ZFYVE28: variants seen among roughly 807,000 people sequenced by gnomAD.
ZFYVE28 encodes zinc finger FYVE-type containing 28.
ZFYVE28 carries 40 observed loss-of-function variants against 82.1 expected under a neutral mutation model. The ratio of observed to expected loss-of-function variants is 0.49; its 90% CI spans 0.38 to 0.63. ZFYVE28 has a LOEUF of 0.63. Ranked by LOEUF, ZFYVE28 falls within the 30% of genes least tolerant of loss-of-function variation. The pLI is 0.00. For missense variants in ZFYVE28, 1,321 were observed against 1,242.1 expected (o/e 1.06, Z -0.96); for synonymous variants, 612 against 546.1 (o/e 1.12, Z -1.68).
chr4:2,374,695 T>C (rs1043526754), intron 1 of ZFYVE28, among the ~76,000 whole-genome samples: 6 of 152,224 alleles, frequency 3.9e-5, no homozygotes, highest in African/African-American at 1.4e-4. Context: ...TGTGTGCTCA[T>C]ATAGAAAAAT....
At chr4:2,356,755 G>A (rs1200591527) in intron 1 of ZFYVE28, among the ~76,000 whole-genome samples, 1 of 152,230 alleles carries the variant, frequency 6.6e-6, no homozygotes, top group Non-Finnish European at 1.5e-5. Context: ...CGGGGAAAGT[G>A]AGGCCCAAAA....
In ZFYVE28 at chr4:2,305,701, G is replaced by A. The variant is rs191294364; in HGVS notation, c.804-165C>T. Among the ~76,000 whole-genome samples, 31 of 152,330 alleles carry A rather than the reference G, an allele frequency of 2.0e-4. No individual in the cohort carries two copies. The East Asian group carries it at 4.1e-3, about 20-fold the overall frequency. On this transcript the variant is annotated intron_variant, in intron 7 of 12. Transcript: ENST00000290974. ...GGCACCAGCACGTCTCCTCCACCAC[G>A]GAACAAGGCTCCGGTCTCGCCGGCC...
At chr4:2,358,552 T>A (rs980218711) in intron 1 of ZFYVE28, among the ~76,000 whole-genome samples, 1 of 152,160 alleles carries the variant, frequency 6.6e-6, no homozygotes, top group Non-Finnish European at 1.5e-5. Flanking sequence ...GCCTCAGGGC[T>A]CCCTGCCTTC....
rs1370244760 is a variant in ZFYVE28, at chr4:2,300,640, G to A, written c.2051+3649C>T. On this transcript the variant is annotated intron_variant, in intron 8 of 12. Coordinates refer to ENST00000290974, the MANE Select transcript of ZFYVE28 (RefSeq NM_020972.3). The surrounding 1 kb of genome is among the most constrained non-coding windows in gnomAD (Gnocchi z 4.6). ...CCCTGGCTGGTGGCTGGGAAGCCCT[G>A]TCCTTCCTCCTGGAGGCTGTCGTCT... Among the ~76,000 whole-genome samples the A allele has an allele frequency of 2.0e-5, 3 of 151,994 alleles. No individual in the cohort carries two copies. The highest frequency in any genetic ancestry group is 7.3e-5 in the African/African-American group (3 of 41,350).
At position 2,409,410 on chromosome 4, in the gene ZFYVE28, C is replaced by T. The variant is rs1043156048; in HGVS notation, c.39+8875G>A. ...AGTGCTGACCCCATCATGCCCCCAC[C>T]TTCCTTGCCTGTGACCCATCCCCAG... On this transcript the variant is annotated intron_variant, in intron 1 of 12. Transcript: ENST00000290974. The surrounding 1 kb of genome is among the most constrained non-coding windows in gnomAD (Gnocchi z 4.4). Among the ~76,000 whole-genome samples, 4 of 152,318 alleles carry T rather than the reference C, an allele frequency of 2.6e-5. No individual in the cohort carries two copies. In the South Asian group the frequency reaches 8.3e-4, roughly 32 times the overall value.
At chr4:2,389,250 G>A (rs1056617894) in intron 1 of ZFYVE28, among the ~76,000 whole-genome samples, 1 of 152,166 alleles carries the variant, frequency 6.6e-6, no homozygotes, top group Non-Finnish European at 1.5e-5. Flanking sequence ...GAGGTGTTCC[G>A]GCTTCCGTGG....
At position 2,335,297 on chromosome 4, in the gene ZFYVE28, C is replaced by CG. The variant is rs564682958; in HGVS notation, c.701+407dup. ...GCCAATCACAGCCTCCTGAGGGACCCGGGGGGCAGCTCGTCCTCTTGTTAC... is the reference window on the plus strand; with the variant it reads ...GCCAATCACAGCCTCCTGAGGGACCCGGGGGGGCAGCTCGTCCTCTTGTTAC... On this transcript the variant is annotated intron_variant, in intron 6 of 12. Transcript: ENST00000290974. The surrounding 1 kb of genome is among the most constrained non-coding windows in gnomAD (Gnocchi z 5.8). Among the ~76,000 whole-genome samples, 262 of 152,204 alleles carry CG rather than the reference C, an allele frequency of 1.7e-3. 2 individuals carry two copies. Among genetic ancestry groups the CG allele is most frequent in the Middle Eastern group, 3.4e-3 (1 of 294 alleles).
Position 2,362,617 on chromosome 4 carries a change from T to C in ZFYVE28, c.40-8544A>G, listed in dbSNP as rs531467276. 6.6e-6 allele frequency among the ~76,000 whole-genome samples: 1 copy of C among 152,206 alleles called. No homozygotes were observed. Among genetic ancestry groups the C allele is most frequent in the South Asian group, 2.1e-4 (1 of 4,824 alleles). ...CATCCACAGCAGACACCCCAGGGGC[T>C]GCCAGGCTGGGGGCCCACTGACCTG... On this transcript the variant is annotated intron_variant, in intron 1 of 12. Coordinates refer to ENST00000290974, the MANE Select transcript of ZFYVE28 (RefSeq NM_020972.3). The surrounding 1 kb of genome is among the most constrained non-coding windows in gnomAD (Gnocchi z 5.1).
chr4:2,357,789 G>A (rs889324961), intron 1 of ZFYVE28, among the ~76,000 whole-genome samples: 5 of 152,132 alleles, frequency 3.3e-5, no homozygotes, highest in African/African-American at 9.7e-5. Flanking sequence ...GCTAAATCTC[G>A]GCTCTGAGAA....
At position 2,270,182 on chromosome 4, in the gene ZFYVE28, G is replaced by A. The variant is rs574642502; in HGVS notation, c.*543C>T. On this transcript the variant is annotated 3_prime_UTR_variant, in exon 13 of 13. Coordinates refer to ENST00000290974, the MANE Select transcript of ZFYVE28 (RefSeq NM_020972.3). The stretch of plus-strand genomic sequence containing the variant: ...GATGCATGTTGTTTAGCCAAGTCCT[G>A]AGGAAGGATGGTGAGGGGTGAGGGG... 6.3e-6 allele frequency: 1 copy of A among 159,154 alleles called. No homozygotes were observed. The highest frequency in any genetic ancestry group is 2.4e-5 in the African/African-American group (1 of 41,638). The allele number at this position is 159,154 out of a possible 1,614,324, so 9.9% of individuals were successfully genotyped here. A position where few individuals can be genotyped will look rare whatever the true frequency, so the allele number is the denominator to read the frequency against.
At chr4:2,347,776 C>T (rs902689738) in intron 2 of ZFYVE28, among the ~76,000 whole-genome samples, 3 of 152,064 alleles carry the variant, frequency 2.0e-5, no homozygotes, top group African/African-American at 7.2e-5. Flanking sequence ...GCAGCAATTA[C>T]AGAGAAATTT....
At chr4:2,291,162 C>T (rs1338075569) in intron 8 of ZFYVE28, among the ~76,000 whole-genome samples, 1 of 152,170 alleles carries the variant, frequency 6.6e-6, no homozygotes, top group African/African-American at 2.4e-5. Flanking sequence ...TGGCGAGTCT[C>T]AGAGAGGTGG....
chr4:2,279,312 A>T (rs2157104), intron 8 of ZFYVE28, among the ~76,000 whole-genome samples: 60,401 of 152,068 alleles, frequency 0.4, 15,144 homozygotes, highest in Non-Finnish European at 0.54. Context: ...CATGCCTGTA[A>T]TCCCAGCTAC....
At chr4:2,354,453 A>ATTTTT (rs11454323) in intron 1 of ZFYVE28, among the ~76,000 whole-genome samples, 2 of 122,542 alleles carry the variant, frequency 1.6e-5, no homozygotes, top group South Asian at 2.5e-4. Context: ...CTCTCAGGAA[A>ATTTTT]TTTTTTTTTT....
chr4:2,384,937 A>C (rs1025996382), intron 1 of ZFYVE28, among the ~76,000 whole-genome samples: 1 of 152,116 alleles, frequency 6.6e-6, no homozygotes, highest in Non-Finnish European at 1.5e-5. Context: ...GTGTAGGGCA[A>C]TCATCTGTCC....
chr4:2,418,215 C>T lies in ZFYVE28; in HGVS notation c.39+70G>A. On this transcript the variant is annotated intron_variant, in intron 1 of 12. Transcript: ENST00000290974. This position sits in a 1 kb window ranked among gnomAD's most constrained non-coding sequence, Gnocchi z 4.6. ...GGGAAAGGGAGTCCGTCTTGTAGGGCGGACGGGCGGTCCTGGGGAAGGGAG... is the reference window on the plus strand; with the variant it reads ...GGGAAAGGGAGTCCGTCTTGTAGGGTGGACGGGCGGTCCTGGGGAAGGGAG... 2 of 1,435,242 alleles carry T rather than the reference C, an allele frequency of 1.4e-6. No homozygotes were observed. Among genetic ancestry groups the T allele is most frequent in the Non-Finnish European group, 9.3e-7 (1 of 1,075,700 alleles). The allele number at this position is 1,435,242 out of a possible 1,614,324, so 88.9% of individuals were successfully genotyped here.
At chr4:2,379,550 C>T (rs73072345) in intron 1 of ZFYVE28, among the ~76,000 whole-genome samples, 2,267 of 152,226 alleles carry the variant, frequency 0.015, 43 homozygotes, top group African/African-American at 0.043. Flanking sequence ...ACAAATCGCC[C>T]CCATCTGACT....
chr4:2,380,412 C>A (rs192858177), intron 1 of ZFYVE28, among the ~76,000 whole-genome samples: 23 of 152,350 alleles, frequency 1.5e-4, no homozygotes, highest in African/African-American at 5.3e-4. Context: ...GAGTTATCGG[C>A]TAAGAATCAT....
chr4:2,384,684 A>G (rs13129389), intron 1 of ZFYVE28, among the ~76,000 whole-genome samples: 14,594 of 152,242 alleles, frequency 0.096, 768 homozygotes, highest in East Asian at 0.11. Flanking sequence ...CCAGGATCAT[A>G]GGGGGAGCAT....
Sources: gnomAD v4.1 joint callset for allele counts (sites outside exome capture counted in the v4.1 genomes callset) on GRCh38, gnomAD v4.1.1 for gene constraint, Gnocchi (gnomAD v3.1) non-coding constraint, MANE v1.5 for transcripts, NCBI Gene and HGNC (gene_info 2026-07-23, HGNC 2026-07-21) for gene names.